Variants in NTM observed in about 807,000 individuals in gnomAD.
NTM encodes the protein neurotrimin.
A neutral mutation model predicts 42.1 loss-of-function variants in NTM; 13 were observed. The ratio of observed to expected loss-of-function variants is 0.31; its 90% CI spans 0.20 to 0.49. NTM has a LOEUF of 0.49. Among genes scored for constraint, NTM ranks in the 20% least tolerant of loss-of-function variants. The pLI, the probability that NTM is intolerant of heterozygous loss-of-function variation, is 0.99. For missense variants in NTM, 373 were observed against 452.8 expected (o/e 0.82, Z 1.60); for synonymous variants, 187 against 179.2 (o/e 1.04, Z -0.35).
At chr11:131,872,333 A>G (rs1235229047) in intron 1 of NTM, among the ~76,000 whole-genome samples, 1 of 152,202 alleles carries the variant, frequency 6.6e-6, no homozygotes, top group African/African-American at 2.4e-5. Context: ...ACAAGGAGAA[A>G]TAGATATTGA....
chr11:132,251,747 G>C (rs1175687358), intron 4 of NTM, among the ~76,000 whole-genome samples: 1 of 152,174 alleles, frequency 6.6e-6, no homozygotes, highest in Admixed American at 6.5e-5. Context: ...TGTGTATTTT[G>C]CTGGACTCAG....
At chr11:132,075,311 T>C (rs1053247634) in intron 2 of NTM, among the ~76,000 whole-genome samples, 2 of 152,180 alleles carry the variant, frequency 1.3e-5, no homozygotes, top group South Asian at 2.1e-4. Flanking sequence ...GTAGAGCTCA[T>C]GGTAAGTGTT....
intron 1 of NTM, among the ~76,000 whole-genome samples, chr11:131,865,652 C>T (rs2047056201): frequency 6.6e-6 from 1 of 152,144 alleles, no homozygotes; most frequent in Non-Finnish European, 1.5e-5. Flanking sequence ...CAGGTGCACA[C>T]ACACAGGTAC....
intron 1 of NTM, among the ~76,000 whole-genome samples, chr11:131,825,746 T>A (rs190956316): frequency 6.6e-6 from 1 of 152,042 alleles, no homozygotes; most frequent in Admixed American, 6.6e-5. Flanking sequence ...GTTAATGGGT[T>A]TGGGTGATAA....
intron 1 of NTM, among the ~76,000 whole-genome samples, chr11:131,466,815 A>AT (rs1272078314): frequency 1.3e-5 from 2 of 152,100 alleles, no homozygotes; most frequent in African/African-American, 4.8e-5. Flanking sequence ...CAAAATCACA[A>AT]TTTTTTTCTC....
intron 2 of NTM, among the ~76,000 whole-genome samples, chr11:132,126,989 T>C (rs1353633292): frequency 6.6e-6 from 1 of 152,212 alleles, no homozygotes; most frequent in Non-Finnish European, 1.5e-5. Context: ...TTATTGTCAG[T>C]CTTTTTTCTT....
chr11:132,296,744 G>A (rs1344539145), intron 4 of NTM, among the ~76,000 whole-genome samples: 3 of 152,218 alleles, frequency 2.0e-5, no homozygotes, highest in Admixed American at 1.3e-4. Flanking sequence ...AGAGTAAATC[G>A]GCTATTCTTT....
At chr11:131,824,577 G>A (rs780517563) in intron 1 of NTM, among the ~76,000 whole-genome samples, 30 of 152,248 alleles carry the variant, frequency 2.0e-4, no homozygotes, top group Non-Finnish European at 3.8e-4. Flanking sequence ...ATTGATGTAA[G>A]CATTCATTCA....
intron 4 of NTM, among the ~76,000 whole-genome samples, chr11:132,250,304 AT>A: frequency 6.7e-6 from 1 of 150,112 alleles, no homozygotes; most frequent in South Asian, 2.1e-4. Flanking sequence ...TGCTTTTAAG[AT>A]TTTTTCTTTG....
intron 1 of NTM, among the ~76,000 whole-genome samples, chr11:131,746,767 T>A (rs2081884892): frequency 6.6e-6 from 1 of 152,170 alleles, no homozygotes; most frequent in Admixed American, 6.5e-5. Context: ...TTATAAAACT[T>A]TGAATTTCAG....
intron 1 of NTM, among the ~76,000 whole-genome samples, chr11:131,655,232 G>A (rs1390975627): frequency 6.6e-6 from 1 of 152,198 alleles, no homozygotes; most frequent in Non-Finnish European, 1.5e-5. Flanking sequence ...CTTGTGTGCA[G>A]ACAAAGTTGA....
intron 2 of NTM, among the ~76,000 whole-genome samples, chr11:131,985,817 A>ACCAATCTCTCT (rs1188229111): frequency 6.6e-6 from 1 of 152,174 alleles, no homozygotes; most frequent in African/African-American, 2.4e-5. Context: ...GTGAGCAGCA[A>ACCAATCTCTCT]CCAATCTCTC....
In NTM at chr11:132,146,240, GTC is replaced by G. The variant is rs765254362; in HGVS notation, c.168-37_168-36del. 5 of 1,606,282 alleles carry G rather than the reference GTC, an allele frequency of 3.1e-6. No individual in the cohort carries two copies. The East Asian group carries it at 8.9e-5, about 29-fold the overall frequency. On this transcript the variant is annotated intron_variant, in intron 2 of 8. Coordinates refer to ENST00000683400, the MANE Select transcript of NTM (RefSeq NM_001352005.2). This position sits in a 1 kb window ranked among gnomAD's most constrained non-coding sequence, Gnocchi z 4.5. Reference sequence around the variant, plus strand: ...GGACCTCCCTCTGATGGCTGCTGTCGTCTCTCAGTCCCTTGACGTACCTGTCT... The same window carrying G: ...GGACCTCCCTCTGATGGCTGCTGTCGTCTCAGTCCCTTGACGTACCTGTCT...
chr11:131,874,030 A>ATATATATATAT lies in NTM; in HGVS notation c.83-37534_83-37533insTATATATATAT, dbSNP rs1555162935. Among the ~76,000 whole-genome samples the ATATATATATAT allele has an allele frequency of 4.1e-3, 315 of 76,592 alleles. 28 individuals carry two copies. The highest frequency in any genetic ancestry group is 6.9e-3 in the Non-Finnish European group (235 of 34,150). 50.2% of individuals were successfully genotyped at this position (76,592 alleles called of 152,430 possible). Reference sequence around the variant, plus strand: ...ATAATATATTTATATAATATAATATAATATATATATATATATATATATATA... The same window carrying ATATATATATAT: ...ATAATATATTTATATAATATAATATATATATATATATATATATATATATATATATATATATA... On this transcript the variant is annotated intron_variant, in intron 1 of 8. Coordinates refer to ENST00000683400, the MANE Select transcript of NTM (RefSeq NM_001352005.2).
chr11:131,389,657 G>C (rs527814886), intron 1 of NTM, among the ~76,000 whole-genome samples: 1 of 152,188 alleles, frequency 6.6e-6, no homozygotes, highest in Non-Finnish European at 1.5e-5. Context: ...GGCTTCGTGA[G>C]AAGCTTATTA....
At chr11:132,149,935 C>T (rs2071479671) in intron 3 of NTM, among the ~76,000 whole-genome samples, 2 of 152,222 alleles carry the variant, frequency 1.3e-5, no homozygotes, top group Non-Finnish European at 2.9e-5. Context: ...CACTGCAGTG[C>T]TTCCATAGTC....
intron 2 of NTM, among the ~76,000 whole-genome samples, chr11:131,957,609 A>G (rs986376732): frequency 6.6e-6 from 1 of 152,234 alleles, no homozygotes; most frequent in African/African-American, 2.4e-5. Context: ...TTATTCCCAC[A>G]GACAATACAC....
intron 1 of NTM, among the ~76,000 whole-genome samples, chr11:131,903,509 G>A (rs918215645): frequency 5.9e-5 from 9 of 152,142 alleles, no homozygotes; most frequent in South Asian, 2.1e-4. Context: ...CTCTTCCGTC[G>A]CTTGCCTCAG....
intron 1 of NTM, chr11:131,536,704 C>T (rs2052294028): frequency 6.6e-6 from 1 of 152,112 alleles, no homozygotes; most frequent in South Asian, 2.1e-4. Flanking sequence ...ACGCATGAAA[C>T]AATTACTCAG....
Sources: gnomAD v4.1 joint callset for allele counts (sites outside exome capture counted in the v4.1 genomes callset) on GRCh38, gnomAD v4.1.1 for gene constraint, Gnocchi (gnomAD v3.1) non-coding constraint, MANE v1.5 for transcripts, NCBI Gene and HGNC (gene_info 2026-07-23, HGNC 2026-07-21) for gene names.